The following ZNF821 variants were observed in gnomAD, a reference collection of about 807,000 sequenced individuals.
ZNF821 encodes the protein zinc finger protein 821.
In ZNF821, 16 loss-of-function variants were observed where a neutral mutation model predicts 44.3. The observed-to-expected ratio is 0.36, with a 90% CI of 0.24 to 0.55. ZNF821 has a LOEUF of 0.55. Ranked by LOEUF, ZNF821 falls within the 20% of genes least tolerant of loss-of-function variation. The pLI is 0.86. For synonymous variants in ZNF821, 204 were observed against 197.6 expected, an observed-to-expected ratio of 1.03 and a Z score of -0.27; for missense variants, 436 against 547.6, an observed-to-expected ratio of 0.80 and a Z score of 2.03.
intron 3 of ZNF821, among the ~76,000 whole-genome samples, chr16:71,871,325 G>C (rs1469483841): frequency 6.6e-6 from 1 of 152,120 alleles, no homozygotes; most frequent in Non-Finnish European, 1.5e-5. Context: ...TTATTCCTCA[G>C]AACTATTCCT....
intron 1 of ZNF821, chr16:71,894,471 A>G (rs1436722223): frequency 5.5e-6 from 1 of 182,976 alleles, no homozygotes; most frequent in Non-Finnish European, 1.1e-5. Flanking sequence ...GTCTCGAATT[A>G]CCGACTTCAG....
At chr16:71,874,476 C>T (rs1341977651) in intron 3 of ZNF821, among the ~76,000 whole-genome samples, 1 of 152,054 alleles carries the variant, frequency 6.6e-6, no homozygotes, top group East Asian at 1.9e-4. Context: ...TTTTTTGAGA[C>T]CAAGTCTCAT....
At chr16:71,880,102 A>T (rs1156771966) in intron 2 of ZNF821, 79 bp from the exon 3 acceptor site, 2 of 620,184 alleles carry the variant, frequency 3.2e-6, no homozygotes, top group African/African-American at 1.9e-5. Context: ...AATGTCCTTA[A>T]AAAACAGCTC....
At chr16:71,874,146 G>C (rs1337438014) in intron 3 of ZNF821, among the ~76,000 whole-genome samples, 1 of 151,560 alleles carries the variant, frequency 6.6e-6, no homozygotes, top group African/African-American at 2.4e-5. Flanking sequence ...TTTTTTAGTA[G>C]AGGCAGGGTT....
intron 3 of ZNF821, among the ~76,000 whole-genome samples, chr16:71,872,426 A>G (rs1267377478): frequency 6.6e-6 from 1 of 151,976 alleles, no homozygotes; most frequent in African/African-American, 2.4e-5. Context: ...ATCCTGGCTA[A>G]CACAGTGAAA....
intron 3 of ZNF821, among the ~76,000 whole-genome samples, chr16:71,869,870 C>T (rs2034992453): frequency 6.6e-6 from 1 of 152,162 alleles, no homozygotes; most frequent in African/African-American, 2.4e-5. Flanking sequence ...CTCCTGCTCT[C>T]AAGGGATCCC....
At position 71,884,098 on chromosome 16, in the gene ZNF821, CA is replaced by C. The variant is rs2036720674; in HGVS notation, c.-332del. 2 of 152,136 alleles carry C rather than the reference CA, an allele frequency of 1.3e-5. No individual in the cohort carries two copies. Among genetic ancestry groups the C allele is most frequent in the African/African-American group, 2.4e-5 (1 of 41,402 alleles). The allele number at this position is 152,136 out of a possible 1,614,324, so 9.4% of individuals were successfully genotyped here. ...GGCGGGGAGCCGAGGGGCGGCGCTG[CA>C]GACGGACAAAGCCAACAGCAGACAG... On this transcript the variant is annotated 5_prime_UTR_variant, in exon 1 of 8. Coordinates refer to ENST00000425432, the MANE Select transcript of ZNF821 (RefSeq NM_001201552.2).
Position 71,860,725 on chromosome 16 carries a change from A to C in ZNF821, c.585-53T>G. ...GTGTTTCCTTCTAGCAAGAGTCGGGACTCCAGCCCTGCCTTATTCTTTTCC... is the reference window on the plus strand; with the variant it reads ...GTGTTTCCTTCTAGCAAGAGTCGGGCCTCCAGCCCTGCCTTATTCTTTTCC... On this transcript the variant is annotated intron_variant, in intron 7 of 7. Coordinates refer to ENST00000425432, the MANE Select transcript of ZNF821 (RefSeq NM_001201552.2). The surrounding 1 kb of genome is among the most constrained non-coding windows in gnomAD (Gnocchi z 7.3). The C allele has an allele frequency of 6.4e-7, 1 of 1,560,686 alleles. No homozygotes were observed. Among genetic ancestry groups the C allele is most frequent in the South Asian group, 1.2e-5 (1 of 84,036 alleles).
At chr16:71,891,210 GT>G (rs1227529218) in intron 1 of ZNF821, among the ~76,000 whole-genome samples, 1 of 152,170 alleles carries the variant, frequency 6.6e-6, no homozygotes. Context: ...ACTGTGTCTG[GT>G]TTTAGTTACA....
At chr16:71,883,538 G>A (rs747332640) in intron 1 of ZNF821, 19 of 218,278 alleles carry the variant, frequency 8.7e-5, no homozygotes, top group Admixed American at 1.6e-4. Flanking sequence ...CAGACGCGGG[G>A]ACTGATACCC....
intron 3 of ZNF821, among the ~76,000 whole-genome samples, chr16:71,871,764 G>T (rs2142405053): frequency 1.3e-5 from 2 of 151,496 alleles, no homozygotes; most frequent in South Asian, 4.2e-4. Context: ...AAAAACCAAG[G>T]TGTTCTCTCT....
At chr16:71,879,757 CTTTTT>C in intron 3 of ZNF821, 145 bp downstream of exon 3, 1 of 774,620 alleles carries the variant, frequency 1.3e-6, no homozygotes. Flanking sequence ...TTCTTTCTTT[CTTTTT>C]TTCTCTTCTG....
upstream of ZNF821, among the ~76,000 whole-genome samples, chr16:71,887,765 C>G (rs1432855248): frequency 6.6e-6 from 1 of 151,860 alleles, no homozygotes; most frequent in African/African-American, 2.4e-5. Context: ...TCTCTAATGA[C>G]TAAGGATGTT....
intron 3 of ZNF821, among the ~76,000 whole-genome samples, chr16:71,878,302 A>G (rs1163442339): frequency 6.6e-6 from 1 of 151,310 alleles, no homozygotes; most frequent in Non-Finnish European, 1.5e-5. Flanking sequence ...TTTAGTGGAG[A>G]TGAGTTTTTT....
upstream of ZNF821, among the ~76,000 whole-genome samples, chr16:71,887,418 C>A (rs2036865549): frequency 6.6e-6 from 1 of 152,098 alleles, no homozygotes; most frequent in Admixed American, 6.5e-5. Context: ...CGCCACCACG[C>A]CCGGCTAATT....
chr16:71,868,690 C>T (rs1334974685), intron 3 of ZNF821, among the ~76,000 whole-genome samples: 1 of 151,840 alleles, frequency 6.6e-6, no homozygotes, highest in Non-Finnish European at 1.5e-5. Context: ...GAACAAACTT[C>T]CTGAAACACA....
Position 71,864,238 on chromosome 16 carries a change from G to T in ZNF821, c.317C>A (p.Thr106Lys). Residue 106 changes from threonine (T) to lysine (K), a missense_variant, in exon 6 of 8, where the codon ACA (threonine) becomes AAA (lysine). Coordinates refer to ENST00000425432, the MANE Select transcript of ZNF821 (RefSeq NM_001201552.2). The part of the protein sequence containing the change: ...GGNEVVEHEV[T>K]GNLNSDPLLE... ...CAAGGGGTCAGAATTCAAATTCCCTGTGACCTGTGATTCAACAAATAGGCA... is the reference window on the plus strand; with the variant it reads ...CAAGGGGTCAGAATTCAAATTCCCTTTGACCTGTGATTCAACAAATAGGCA... 6.2e-7 allele frequency: 1 copy of T among 1,614,050 alleles called. No homozygotes were observed. The highest frequency in any genetic ancestry group is 8.5e-7 in the Non-Finnish European group (1 of 1,179,892).
intron 1 of ZNF821, chr16:71,891,462 A>G (rs1263783412): frequency 6.6e-6 from 1 of 152,226 alleles, no homozygotes; most frequent in Non-Finnish European, 1.5e-5. Context: ...TACAATTCAC[A>G]GTTGATATAT....
intron 3 of ZNF821, among the ~76,000 whole-genome samples, chr16:71,870,785 C>A (rs2035109640): frequency 6.6e-6 from 1 of 152,104 alleles, no homozygotes; most frequent in South Asian, 2.1e-4. Context: ...TGGCCAAGGG[C>A]CAACTGTAAT....
Sources: allele counts gnomAD v4.1 joint callset (sites outside exome capture counted in the v4.1 genomes callset), GRCh38; gene constraint gnomAD v4.1.1; non-coding constraint Gnocchi (gnomAD v3.1); transcripts MANE v1.5; gene names NCBI Gene and HGNC (gene_info 2026-07-23, HGNC 2026-07-21).